AGBL1: variants seen among roughly 807,000 people sequenced by gnomAD.
AGBL1 encodes the protein AGBL carboxypeptidase 1, also known as cytosolic carboxypeptidase 4.
A neutral mutation model predicts 118.9 loss-of-function variants in AGBL1; 130 were observed. The ratio of observed to expected loss-of-function variants is 1.09; its 90% CI spans 0.95 to 1.26. AGBL1 has a LOEUF of 1.26. Ranked by LOEUF, AGBL1 falls within the 50% of genes most tolerant of loss-of-function variation. The pLI, the probability that AGBL1 is intolerant of heterozygous loss-of-function variation, is 0.00. For synonymous variants in AGBL1, 555 were observed against 478.9 expected (o/e 1.16, Z -2.08); for missense variants, 1,584 against 1,298.1 (o/e 1.22, Z -3.38).
intron 22 of AGBL1, among the ~76,000 whole-genome samples, chr15:86,752,577 C>T (rs1455966111): frequency 6.6e-6 from 1 of 152,068 alleles, no homozygotes; most frequent in Non-Finnish European, 1.5e-5. Flanking sequence ...CACAGGAACT[C>T]AGCCCTGTTT....
intron 18 of AGBL1, among the ~76,000 whole-genome samples, chr15:86,485,276 C>T (rs1177269155): frequency 1.3e-5 from 2 of 152,132 alleles, no homozygotes; most frequent in Non-Finnish European, 2.9e-5. Context: ...CAGTGATCTT[C>T]GTGCAAAGTT....
chr15:86,836,673 T>C (rs1448329359), intron 22 of AGBL1, among the ~76,000 whole-genome samples: 1 of 152,104 alleles, frequency 6.6e-6, no homozygotes, highest in African/African-American at 2.4e-5. Context: ...CTAGCCTGCC[T>C]CTCTCACCTC....
At chr15:86,698,205 G>GT (rs557043996) in intron 22 of AGBL1, among the ~76,000 whole-genome samples, 67 of 151,996 alleles carry the variant, frequency 4.4e-4, no homozygotes, top group Non-Finnish European at 8.1e-4. Context: ...AGGGAGATTG[G>GT]TTAAAGTAGT....
intron 1 of AGBL1, among the ~76,000 whole-genome samples, chr15:86,091,021 T>C (rs907460707): frequency 2.0e-5 from 3 of 152,164 alleles, no homozygotes; most frequent in East Asian, 1.9e-4. Flanking sequence ...AATTAACATA[T>C]ATAGGTTTCT....
intron 18 of AGBL1, among the ~76,000 whole-genome samples, chr15:86,409,189 T>A (rs958283393): frequency 6.6e-6 from 1 of 152,098 alleles, no homozygotes; most frequent in Non-Finnish European, 1.5e-5. Context: ...GAGAGACCCA[T>A]GAAGAACATG....
intron 5 of AGBL1, among the ~76,000 whole-genome samples, chr15:86,195,105 T>C (rs1288502595): frequency 6.6e-6 from 1 of 152,170 alleles, no homozygotes; most frequent in Non-Finnish European, 1.5e-5. Context: ...TATTGAGAGC[T>C]TACTATAGGC....
At chr15:86,292,459 T>C (rs893446993) in intron 16 of AGBL1, among the ~76,000 whole-genome samples, 2 of 152,144 alleles carry the variant, frequency 1.3e-5, no homozygotes, top group African/African-American at 4.8e-5. Flanking sequence ...GTGGGACCCA[T>C]TTTAGACTAC....
chr15:86,817,522 T>TACACACAC (rs145360496), intron 22 of AGBL1, among the ~76,000 whole-genome samples: 1 of 93,816 alleles, frequency 1.1e-5, no homozygotes, highest in African/African-American at 4.2e-5. Context: ...GAGACAGGCA[T>TACACACAC]ACACACACAC....
chr15:86,637,831 G>A (rs373638155), intron 21 of AGBL1, among the ~76,000 whole-genome samples: 5 of 152,222 alleles, frequency 3.3e-5, no homozygotes, highest in East Asian at 3.8e-4. Flanking sequence ...TCATGAGACT[G>A]TAAGTTCTTT....
At chr15:86,838,969 A>G (rs2079207550) in intron 22 of AGBL1, among the ~76,000 whole-genome samples, 1 of 147,608 alleles carries the variant, frequency 6.8e-6, no homozygotes, top group African/African-American at 2.5e-5. Flanking sequence ...AAAAAAAAGA[A>G]AGAAATGTAG....
Position 86,315,745 on chromosome 15 carries a change from A to T in AGBL1, c.2374+20337A>T, listed in dbSNP as rs551807672. On this transcript the variant is annotated intron_variant, in intron 17 of 22. Transcript: ENST00000614907. ...AAAAAAAAAAAAAAAAGTATATGTAAAACACAGTGCTAGGCACACAGTAGA... is the reference window on the plus strand; with the variant it reads ...AAAAAAAAAAAAAAAAGTATATGTATAACACAGTGCTAGGCACACAGTAGA... 4.6e-5 allele frequency among the ~76,000 whole-genome samples: 7 copies of T among 152,020 alleles called. No individual in the cohort carries two copies. In the South Asian group the frequency reaches 1.5e-3, roughly 32 times the overall value.
chr15:86,839,021 C>T (rs1324258205), intron 22 of AGBL1, among the ~76,000 whole-genome samples: 2 of 149,356 alleles, frequency 1.3e-5, no homozygotes, highest in African/African-American at 2.5e-5. Context: ...TTGGTCAGCA[C>T]GTTCTCTTCT....
chr15:86,180,935 A>C (rs1340728648), intron 5 of AGBL1, among the ~76,000 whole-genome samples: 1 of 152,134 alleles, frequency 6.6e-6, no homozygotes, highest in Non-Finnish European at 1.5e-5. Flanking sequence ...CATCAGAATT[A>C]ATTAGGGAAA....
chr15:86,306,040 C>G (rs1244982734), intron 17 of AGBL1, among the ~76,000 whole-genome samples: 2 of 151,330 alleles, frequency 1.3e-5, no homozygotes, highest in Non-Finnish European at 2.9e-5. Flanking sequence ...TTGGTGGGTA[C>G]ATAGTAGGTG....
chr15:87,002,303 T>A (rs1049312369), intron 24 of AGBL1, among the ~76,000 whole-genome samples: 16 of 152,102 alleles, frequency 1.1e-4, no homozygotes, highest in Admixed American at 2.0e-4. Flanking sequence ...TGTGGTATTA[T>A]TTCTGAGGGC....
rs61376151 is a variant in AGBL1 at position 86,829,170 on chromosome 15, A to G, written c.3159-77917A>G. On this transcript the variant is annotated intron_variant, in intron 22 of 22. Transcript: ENST00000614907. ...AGTTCAGAGGGATGCAGTCTCTACC[A>G]TGTGCTGGGACTGTCTAAAGTTAAG... 9.9e-3 allele frequency among the ~76,000 whole-genome samples: 1,510 copies of G among 152,180 alleles called. 24 individuals are homozygous for G. The highest frequency in any genetic ancestry group is 0.035 in the African/African-American group (1,466 of 41,522).
intron 22 of AGBL1, among the ~76,000 whole-genome samples, chr15:86,773,419 G>T (rs1053258054): frequency 6.6e-6 from 1 of 151,508 alleles, no homozygotes; most frequent in East Asian, 2.0e-4. Context: ...CAATACATAC[G>T]TATACATGTG....
intron 24 of AGBL1, among the ~76,000 whole-genome samples, chr15:86,995,927 A>G (rs2081376164): frequency 6.6e-6 from 1 of 152,174 alleles, no homozygotes; most frequent in Non-Finnish European, 1.5e-5. Flanking sequence ...ACTGCCTATC[A>G]TTCTGAAATT....
chr15:86,207,960 C>T (rs987783916), intron 5 of AGBL1, among the ~76,000 whole-genome samples: 2 of 151,994 alleles, frequency 1.3e-5, no homozygotes, highest in Non-Finnish European at 2.9e-5. Flanking sequence ...TTGTCATAAA[C>T]AGCTCTGATT....
Sources: gnomAD v4.1 joint callset for allele counts (sites outside exome capture counted in the v4.1 genomes callset) on GRCh38, gnomAD v4.1.1 for gene constraint, MANE v1.5 for transcripts, NCBI Gene and HGNC (gene_info 2026-07-23, HGNC 2026-07-21) for gene names.